ANK3: variants seen among roughly 807,000 people sequenced by gnomAD.
ANK3 encodes ankyrin-3.
Under a neutral mutation model 370.9 loss-of-function variants are expected in ANK3, and 57 were observed. The observed-to-expected ratio is 0.15, with a 90% CI of 0.12 to 0.19. The LOEUF (loss-of-function observed/expected upper bound fraction) is 0.19, where lower values mean the gene tolerates loss of function less well. Among genes scored for constraint, ANK3 ranks in the 10% least tolerant of loss-of-function variants. The probability of loss-of-function intolerance (pLI) is 1.00; values close to 1 mark genes in which losing one functional copy is unlikely to be tolerated. For missense variants in ANK3, 4,439 were observed against 5,302.1 expected, an observed-to-expected ratio of 0.84 and a Z score of 5.06; for synonymous variants, 1,929 against 1,946.3, an observed-to-expected ratio of 0.99 and a Z score of 0.23.
rs1456622316 is a variant in ANK3 at position 60,038,891 on chromosome 10, G to C, written c.*19+3781C>G. On this transcript the variant is annotated intron_variant, in intron 43 of 43. Transcript: ENST00000280772. The stretch of plus-strand genomic sequence containing the variant: ...CTTGCACATGTTGTACCCTTTGCTT[G>C]GGGTCCTCTTCTTCTCCATTATTTT... Among the ~76,000 whole-genome samples, 4 of 152,120 alleles carry C rather than the reference G, an allele frequency of 2.6e-5. No homozygotes were observed. In the East Asian group the frequency reaches 5.8e-4, roughly 22 times the overall value.
chr10:60,227,296 G>T (rs1231331105), intron 8 of ANK3, among the ~76,000 whole-genome samples: 1 of 151,936 alleles, frequency 6.6e-6, no homozygotes, highest in African/African-American at 2.4e-5. Flanking sequence ...TGAGAAGTCA[G>T]ATAACATTCT....
chr10:60,605,832 A>G (rs571629762), intron 2 of ANK3, among the ~76,000 whole-genome samples: 1 of 152,198 alleles, frequency 6.6e-6, no homozygotes, highest in Non-Finnish European at 1.5e-5. Flanking sequence ...CATAAGGATG[A>G]TTTTTAAAAA....
At chr10:60,427,606 C>A (rs1365390293) in intron 2 of ANK3, among the ~76,000 whole-genome samples, 3 of 151,680 alleles carry the variant, frequency 2.0e-5, no homozygotes, top group African/African-American at 7.3e-5. Context: ...TGTCAGATAT[C>A]TTTCAAAAGA....
intron 2 of ANK3, among the ~76,000 whole-genome samples, chr10:60,486,829 C>T (rs2075361922): frequency 1.3e-5 from 2 of 152,098 alleles, no homozygotes; most frequent in Non-Finnish European, 2.9e-5. Context: ...AAAAATGTGT[C>T]CCTCCAATTT....
rs2087223426 is a variant in ANK3, at chr10:60,088,335, C to T, written c.3352G>A (p.Gly1118Arg). The T allele has an allele frequency of 1.2e-6, 2 of 1,614,014 alleles. No homozygotes were observed. The highest frequency in any genetic ancestry group is 2.2e-5 in the South Asian group (2 of 91,076). Residue 1118 changes from glycine (G) to arginine (R), a missense_variant, in exon 29 of 44, where the codon GGG (glycine) becomes AGG (arginine). Around this residue, in one of 13 missense-constraint regions of ANK3, gnomAD observed 702 missense variants for 941.5 expected, o/e 0.75. Coordinates refer to ENST00000280772, the MANE Select transcript of ANK3 (RefSeq NM_020987.5). ...DEELDSPEEL[G>R]KKRICRIITK... The stretch of plus-strand genomic sequence containing the variant: ...ATAATCCTGCAGATACGCTTTTTCC[C>T]TAACTCTTCTGGGCTATCAAGTTCT...
chr10:60,069,087 T>A lies in ANK3; in HGVS notation c.11794A>T (p.Thr3932Ser), dbSNP rs773944233. 1.2e-6 allele frequency: 2 copies of A among 1,614,046 alleles called. No individual in the cohort carries two copies. Among genetic ancestry groups the A allele is most frequent in the Non-Finnish European group, 1.7e-6 (2 of 1,180,030 alleles). The change falls in exon 37 of 44, where the codon ACA becomes TCA. Residue 3932 changes from threonine (T) to serine (S), a missense_variant. Thr to Ser is a moderately conservative substitution (Grantham distance 58, BLOSUM62 1). This residue lies in a region of ANK3 where 496 missense variants were observed against 529.3 expected (regional missense o/e 0.94). Coordinates refer to ENST00000280772, the MANE Select transcript of ANK3 (RefSeq NM_020987.5). Reference protein sequence around the residue: ...NIIAVRKACATQKQGQPEKGK... With the variant: ...NIIAVRKACASQKQGQPEKGK... ...TTCTCTGGCTGCCCTTGCTTTTGTG[T>A]GGCACATGCTTTTCTAACTGCAATT...
chr10:60,687,702 A>G (rs1344283207), intron 1 of ANK3, among the ~76,000 whole-genome samples: 1 of 152,278 alleles, frequency 6.6e-6, no homozygotes, highest in Middle Eastern at 3.4e-3. Context: ...ACCAGTAATC[A>G]CACTTCTGGG....
At chr10:60,146,085 G>A in intron 23 of ANK3, 1 of 1,525,376 alleles carries the variant, frequency 6.6e-7, no homozygotes, top group South Asian at 1.2e-5. Context: ...CCACAGATCA[G>A]TCATATAAGC....
At chr10:60,287,200 T>C (rs2040212355) in intron 1 of ANK3, among the ~76,000 whole-genome samples, 1 of 152,172 alleles carries the variant, frequency 6.6e-6, no homozygotes, top group African/African-American at 2.4e-5. Flanking sequence ...CTTTCACATA[T>C]ATATATTTTT....
intron 1 of ANK3, among the ~76,000 whole-genome samples, chr10:60,637,082 A>C (rs928559906): frequency 4.6e-5 from 7 of 152,184 alleles, no homozygotes; most frequent in Non-Finnish European, 1.0e-4. Flanking sequence ...ATGTTGTTTC[A>C]CATTTCAGTC....
At position 60,252,109 on chromosome 10, in the gene ANK3, G is replaced by A. The variant is rs543398041; in HGVS notation, c.798+9750C>T. 3.6e-4 allele frequency among the ~76,000 whole-genome samples: 55 copies of A among 152,284 alleles called. 1 individual carries two copies. Among genetic ancestry groups the A allele is most frequent in the Admixed American group, 7.8e-4 (12 of 15,294 alleles). ...TTTGGAAGAGGGCCAATAAATGATCGTGCCTGTGTCCAAAGGGGCTGACAC... is the reference window on the plus strand; with the variant it reads ...TTTGGAAGAGGGCCAATAAATGATCATGCCTGTGTCCAAAGGGGCTGACAC... On this transcript the variant is annotated intron_variant, in intron 7 of 43. Transcript: ENST00000280772.
chr10:60,545,050 C>T (rs10994411), intron 2 of ANK3, among the ~76,000 whole-genome samples: 3 of 132,728 alleles, frequency 2.3e-5, no homozygotes, highest in African/African-American at 6.1e-5. Flanking sequence ...GTTTTAAAAA[C>T]GTTAAACAAC....
At chr10:60,299,112 C>T (rs1016384908) in intron 1 of ANK3, among the ~76,000 whole-genome samples, 1 of 152,032 alleles carries the variant, frequency 6.6e-6, no homozygotes, top group Non-Finnish European at 1.5e-5. Context: ...AGCTTTATTA[C>T]GAATCTCAAA....
intron 1 of ANK3, among the ~76,000 whole-genome samples, chr10:60,671,550 G>T (rs181270640): frequency 1.5e-4 from 23 of 152,278 alleles, no homozygotes; most frequent in Non-Finnish European, 2.8e-4. Context: ...ACTTATAAGG[G>T]TGTATATATG....
chr10:60,599,387 T>C (rs1206010095), intron 2 of ANK3, among the ~76,000 whole-genome samples: 3 of 152,226 alleles, frequency 2.0e-5, no homozygotes, highest in African/African-American at 7.2e-5. Context: ...GGATATTCGA[T>C]ACCGCGCTTC....
At chr10:60,628,394 C>T (rs2078438392) in intron 1 of ANK3, among the ~76,000 whole-genome samples, 1 of 152,182 alleles carries the variant, frequency 6.6e-6, no homozygotes, top group African/African-American at 2.4e-5. Context: ...ATGCAAGCTG[C>T]ACCTGATAAA....
chr10:60,304,514 G>A (rs757670333), intron 1 of ANK3, among the ~76,000 whole-genome samples: 24 of 151,882 alleles, frequency 1.6e-4, no homozygotes, highest in African/African-American at 2.2e-4. Context: ...GTGGTGGCGC[G>A]CACTTGTAAT....
chr10:60,090,697 T>A (rs1021690552), intron 28 of ANK3, among the ~76,000 whole-genome samples: 13 of 152,194 alleles, frequency 8.5e-5, no homozygotes, highest in South Asian at 4.1e-4. Flanking sequence ...GAAATGCCAA[T>A]TAGAATGAGA....
chr10:60,031,768 T>A (rs2073621762), intron 43 of ANK3, among the ~76,000 whole-genome samples: 1 of 152,180 alleles, frequency 6.6e-6, no homozygotes, highest in African/African-American at 2.4e-5. Flanking sequence ...TGGAAACATG[T>A]TGGTAGAGCA....
Sources: allele counts gnomAD v4.1 joint callset (sites outside exome capture counted in the v4.1 genomes callset), GRCh38; gene constraint gnomAD v4.1.1; regional missense constraint gnomAD v4.1.1; transcripts MANE v1.5; gene names NCBI Gene and HGNC (gene_info 2026-07-23, HGNC 2026-07-21).